The following SPPL2B variants were observed in gnomAD, a reference collection of about 807,000 sequenced individuals.
SPPL2B encodes the protein signal peptide peptidase-like 2B.
Under a neutral mutation model 59.7 loss-of-function variants are expected in SPPL2B, and 39 were observed. That is an observed-to-expected ratio of 0.65 (90% CI 0.51 to 0.85). The LOEUF is 0.85. SPPL2B is among the 40% of genes least tolerant of loss of function. The pLI, the probability that SPPL2B is intolerant of heterozygous loss-of-function variation, is 0.00. For missense variants in SPPL2B, 865 were observed against 849.0 expected, an observed-to-expected ratio of 1.02 and a Z score of -0.23; for synonymous variants, 419 against 370.8, an observed-to-expected ratio of 1.13 and a Z score of -1.49.
intron 13 of SPPL2B, among the ~76,000 whole-genome samples, chr19:2,346,441 G>T (rs1342836136): frequency 6.6e-6 from 1 of 152,256 alleles, no homozygotes; most frequent in Non-Finnish European, 1.5e-5. Context: ...TGAAGTGGGA[G>T]GATTGCTTGA....
Position 2,339,093 on chromosome 19 carries a change from G to A in SPPL2B, c.484G>A (p.Ala162Thr). The A allele has an allele frequency of 6.4e-7, 1 of 1,566,790 alleles. No homozygotes were observed. The highest frequency in any genetic ancestry group is 8.6e-7 in the Non-Finnish European group (1 of 1,156,198). The change falls in exon 5 of 15, where the codon GCG (alanine) becomes ACG (threonine). Residue 162 changes from alanine (A) to threonine (T), a missense_variant. Physicochemically the swap from Ala to Thr is moderately conservative, Grantham distance 58. Coordinates refer to ENST00000613503, the MANE Select transcript of SPPL2B (RefSeq NM_152988.3). Reference protein sequence around the residue: ...FTRFGRTVRAALYAPKEPVLD... With the variant: ...FTRFGRTVRATLYAPKEPVLD... ...GCGTTTCGGCCGCACGGTGAGGGCG[G>A]CGCTGTATGCGCCTAAGGAGCCGGT...
At position 2,337,434 on chromosome 19, in the gene SPPL2B, C is replaced by T. The variant is rs1326300174; in HGVS notation, c.187-9C>T. On this transcript the variant is annotated splice_polypyrimidine_tract_variant and intron_variant, in intron 2 of 14. Coordinates refer to ENST00000613503, the MANE Select transcript of SPPL2B (RefSeq NM_152988.3). ...CACGTGAGACAACACTGTGCCCTGGCCTTTCCAGTCTTTCCTGCAGCTGCG... is the reference window on the plus strand; with the variant it reads ...CACGTGAGACAACACTGTGCCCTGGTCTTTCCAGTCTTTCCTGCAGCTGCG... 1 of 1,591,556 alleles carries T rather than the reference C, an allele frequency of 6.3e-7. No homozygotes were observed. Among genetic ancestry groups the T allele is most frequent in the Non-Finnish European group, 8.6e-7 (1 of 1,166,418 alleles).
rs911964723 is a variant in SPPL2B, at chr19:2,355,017, C to G, written c.*1808C>G. ...GTCCCTGTCACGCTTCTCAGCTCTG[C>G]CACTGTTGCTGGAAAGCATCACAGA... is the stretch of plus-strand genomic sequence containing the variant. On this transcript the variant is annotated 3_prime_UTR_variant, in exon 15 of 15. Coordinates refer to ENST00000613503, the MANE Select transcript of SPPL2B (RefSeq NM_152988.3). 6.6e-6 allele frequency among the ~76,000 whole-genome samples: 1 copy of G among 152,176 alleles called. No homozygotes were observed. The highest frequency in any genetic ancestry group is 1.5e-5 in the Non-Finnish European group (1 of 68,032).
chr19:2,340,452 G>A, intron 7 of SPPL2B: 1 of 625,064 alleles, frequency 1.6e-6, no homozygotes, highest in Non-Finnish European at 2.9e-6. Context: ...GGGTTCCCCA[G>A]GGTTCTCCGG....
intron 6 of SPPL2B, 26 bp from the exon 7 acceptor site, chr19:2,340,050 C>G (rs757171309): frequency 5.7e-6 from 9 of 1,576,680 alleles, no homozygotes; most frequent in South Asian, 1.2e-5. Context: ...GGCCTGGCCC[C>G]CGGCCTCACG....
At chr19:2,333,938 A>C (rs140863154) in intron 1 of SPPL2B, among the ~76,000 whole-genome samples, 1 of 152,154 alleles carries the variant, frequency 6.6e-6, no homozygotes, top group Non-Finnish European at 1.5e-5. Flanking sequence ...ACCTGTTGCA[A>C]ACCTCAGCCT....
intron 9 of SPPL2B, among the ~76,000 whole-genome samples, chr19:2,343,726 G>T (rs1599231008): frequency 6.6e-6 from 1 of 152,126 alleles, no homozygotes; most frequent in South Asian, 2.1e-4. Flanking sequence ...ACAGGCCTCC[G>T]CCCTCCCGTC....
In SPPL2B at chr19:2,338,991, C is replaced by T. The variant is rs565767007; in HGVS notation, c.460-78C>T. 303 of 1,507,440 alleles carry T rather than the reference C, an allele frequency of 2.0e-4. 2 individuals are homozygous for T. Among genetic ancestry groups the T allele is most frequent in the South Asian group, 9.7e-4 (78 of 80,098 alleles). The allele number at this position is 1,507,440 out of a possible 1,614,324, so 93.4% of individuals were successfully genotyped here. On this transcript the variant is annotated intron_variant, in intron 4 of 14. Coordinates refer to ENST00000613503, the MANE Select transcript of SPPL2B (RefSeq NM_152988.3). ...CAGGCCAGGGTCTCCAGCCCCAGCC[C>T]CACAGCCCACAGCTGCACGTCGACC...
intron 8 of SPPL2B, chr19:2,342,772 G>A (rs978898268): frequency 2.6e-5 from 5 of 190,674 alleles, no homozygotes; most frequent in African/African-American, 1.2e-4. Flanking sequence ...CCCACCATCC[G>A]GGGACAGTGA....
At chr19:2,337,314 G>C in intron 2 of SPPL2B, 129 bp from the exon 3 acceptor site, 3 of 876,500 alleles carry the variant, frequency 3.4e-6, no homozygotes. Context: ...TAGGTGGGCC[G>C]AGGCCGTGCG....
chr19:2,344,347 C>A lies in SPPL2B; in HGVS notation c.1114-15C>A, dbSNP rs1280024258. 6 of 1,190,586 alleles carry A rather than the reference C, an allele frequency of 5.0e-6. No homozygotes were observed. Among genetic ancestry groups the A allele is most frequent in the Non-Finnish European group, 6.8e-6 (6 of 878,146 alleles). 73.8% of individuals were successfully genotyped at this position (1,190,586 alleles called of 1,614,324 possible). ...CCCATCACCACGCTCCCTCACTCAA[C>A]CCCATTCTGTGCAGAGTGGGAGCAG... On this transcript the variant is annotated splice_polypyrimidine_tract_variant and intron_variant, in intron 10 of 14. Coordinates refer to ENST00000613503, the MANE Select transcript of SPPL2B (RefSeq NM_152988.3).
At chr19:2,343,819 C>A (rs908233201) in intron 9 of SPPL2B, 146 bp from the exon 10 acceptor site, 7 of 630,068 alleles carry the variant, frequency 1.1e-5, no homozygotes, top group Non-Finnish European at 1.7e-5. Flanking sequence ...AAAGCTCCTC[C>A]TGCGTGGTGC....
chr19:2,343,470 G>A (rs146428811), intron 9 of SPPL2B, among the ~76,000 whole-genome samples, 178 bp downstream of exon 9: 5 of 152,306 alleles, frequency 3.3e-5, no homozygotes, highest in African/African-American at 7.2e-5. Flanking sequence ...CAAAGCCCCC[G>A]CTGAGGCGGC....
intron 12 of SPPL2B, among the ~76,000 whole-genome samples, 171 bp downstream of exon 12, chr19:2,344,823 G>A (rs1427295097): frequency 6.6e-6 from 1 of 152,202 alleles, no homozygotes; most frequent in Non-Finnish European, 1.5e-5. Flanking sequence ...GGCAGCGAGG[G>A]CATTGCCTGG....
intron 3 of SPPL2B, 100 bp from the exon 4 acceptor site, chr19:2,338,652 C>A (rs1231200884): frequency 2.6e-6 from 2 of 781,794 alleles, no homozygotes; most frequent in Non-Finnish European, 4.2e-6. Flanking sequence ...TGACCCGAGC[C>A]TCGAGTGAGG....
intron 7 of SPPL2B, chr19:2,340,467 C>A: frequency 1.6e-6 from 1 of 619,810 alleles, no homozygotes. Flanking sequence ...CTCCGGGGAA[C>A]CCAGAAGGTT....
At chr19:2,340,575 C>T in intron 7 of SPPL2B, 2 of 545,326 alleles carry the variant, frequency 3.7e-6, no homozygotes, top group Non-Finnish European at 3.3e-6. Context: ...CGGGGCTAGC[C>T]CAGGGGGAGA....
At chr19:2,349,157 A>G (rs77985784) in intron 13 of SPPL2B, among the ~76,000 whole-genome samples, 22 of 26,950 alleles carry the variant, frequency 8.2e-4, no homozygotes, top group East Asian at 2.2e-3. Flanking sequence ...GCTTGATTCC[A>G]TTCTCTCCCT....
At chr19:2,336,398 ATGTG>A (rs1205089443) in intron 2 of SPPL2B, among the ~76,000 whole-genome samples, 3 of 151,042 alleles carry the variant, frequency 2.0e-5, no homozygotes, top group Admixed American at 1.3e-4. Context: ...GTCTGTGTGT[ATGTG>A]TGTGTACATG....
Sources: allele counts gnomAD v4.1 joint callset (sites outside exome capture counted in the v4.1 genomes callset), GRCh38; gene constraint gnomAD v4.1.1; transcripts MANE v1.5; gene names NCBI Gene and HGNC (gene_info 2026-07-23, HGNC 2026-07-21).